The following CKM variants were observed in gnomAD, a reference collection of about 807,000 sequenced individuals.
CKM encodes the protein creatine kinase M-type.
A neutral mutation model predicts 35.4 loss-of-function variants in CKM; 28 were observed. The observed-to-expected ratio is 0.79, with a 90% CI of 0.59 to 1.08. The LOEUF (loss-of-function observed/expected upper bound fraction) is 1.08. CKM is among the 50% of genes least tolerant of loss of function. The pLI, the probability that CKM is intolerant of heterozygous loss-of-function variation, is 0.00. For missense variants in CKM, 484 were observed against 509.8 expected (o/e 0.95, Z 0.49); for synonymous variants, 215 against 204.4 (o/e 1.05, Z -0.44).
chr19:45,321,518 G>A (rs1344533291), intron 1 of CKM, among the ~76,000 whole-genome samples: 2 of 152,086 alleles, frequency 1.3e-5, no homozygotes, highest in African/African-American at 2.4e-5. Context: ...AGCCTGCCCC[G>A]TAGGATTGCC....
chr19:45,320,490 G>C (rs1208302843), intron 1 of CKM, among the ~76,000 whole-genome samples: 1 of 152,228 alleles, frequency 6.6e-6, no homozygotes, highest in Non-Finnish European at 1.5e-5. Flanking sequence ...TCCTCTCTCT[G>C]AGCCCCTGTG....
chr19:45,322,701 G>A, intron 1 of CKM, 120 bp downstream of exon 1: 1 of 556,776 alleles, frequency 1.8e-6, no homozygotes, highest in Non-Finnish European at 2.3e-6. Flanking sequence ...ACCTGCCTTT[G>A]TATAGGAGGA....
At chr19:45,317,361 C>T (rs1351343643) in intron 3 of CKM, among the ~76,000 whole-genome samples, 1 of 152,216 alleles carries the variant, frequency 6.6e-6, no homozygotes, top group Non-Finnish European at 1.5e-5. Flanking sequence ...GATCTCTGCT[C>T]ACCACAACCT....
At chr19:45,313,764 T>G (rs905941991) in intron 4 of CKM, among the ~76,000 whole-genome samples, 3 of 152,186 alleles carry the variant, frequency 2.0e-5, no homozygotes, top group African/African-American at 7.2e-5. Flanking sequence ...CGAGAATTGC[T>G]TGAACCACGA....
chr19:45,319,450 G>A (rs1971190845), intron 2 of CKM, 71 bp downstream of exon 2: 2 of 1,259,516 alleles, frequency 1.6e-6, no homozygotes, highest in Admixed American at 1.8e-5. Context: ...AAGGGTGGTG[G>A]GATTGGGGCA....
intron 3 of CKM, among the ~76,000 whole-genome samples, chr19:45,315,911 A>C (rs1971154141): frequency 6.8e-6 from 1 of 147,858 alleles, no homozygotes; most frequent in Non-Finnish European, 1.5e-5. Context: ...TGGTGCCATC[A>C]TAGCTCACTG....
chr19:45,312,384 T>C (rs1599816644), intron 4 of CKM, among the ~76,000 whole-genome samples: 2 of 149,602 alleles, frequency 1.3e-5, no homozygotes, highest in Non-Finnish European at 3.0e-5. Flanking sequence ...AGCCCAGGAG[T>C]TCGAGTCCAG....
At chr19:45,313,707 C>T (rs924542133) in intron 4 of CKM, among the ~76,000 whole-genome samples, 1 of 152,116 alleles carries the variant, frequency 6.6e-6, no homozygotes, top group Non-Finnish European at 1.5e-5. Context: ...ATTAGCCAGG[C>T]GTGGTGGCGC....
intron 5 of CKM, among the ~76,000 whole-genome samples, chr19:45,309,023 C>T (rs1971082074): frequency 2.7e-5 from 4 of 147,938 alleles, no homozygotes; most frequent in Admixed American, 2.0e-4. Flanking sequence ...GTCAGGAGAT[C>T]GACACCATCC....
chr19:45,310,786 T>A (rs974833958), intron 5 of CKM, among the ~76,000 whole-genome samples: 9 of 139,852 alleles, frequency 6.4e-5, no homozygotes, highest in African/African-American at 2.4e-4. Flanking sequence ...TTTTTTTTTT[T>A]TTTTTGAGAC....
chr19:45,322,114 G>A (rs1487501275), intron 1 of CKM, among the ~76,000 whole-genome samples: 3 of 152,008 alleles, frequency 2.0e-5, no homozygotes, highest in Non-Finnish European at 4.4e-5. Context: ...CGGGGCTCAA[G>A]GACATCCTGG....
intron 3 of CKM, among the ~76,000 whole-genome samples, chr19:45,316,203 G>A (rs1464494547): frequency 2.0e-5 from 3 of 151,734 alleles, no homozygotes; most frequent in East Asian, 2.0e-4. Flanking sequence ...GGTGGTGCGC[G>A]CCTGTAATCC....
intron 1 of CKM, among the ~76,000 whole-genome samples, chr19:45,320,949 A>G (rs1390918266): frequency 1.3e-5 from 2 of 151,288 alleles, no homozygotes; most frequent in African/African-American, 4.9e-5. Context: ...CGCCCAGGCT[A>G]GAGTGCAGTG....
intron 3 of CKM, among the ~76,000 whole-genome samples, chr19:45,317,267 C>T (rs1971167238): frequency 6.6e-6 from 1 of 151,942 alleles, no homozygotes; most frequent in Admixed American, 6.6e-5. Context: ...GCCACCATGC[C>T]CAGCTAATTT....
At chr19:45,315,364 A>G (rs1466773065) in intron 4 of CKM, 101 bp downstream of exon 4, 5 of 1,340,136 alleles carry the variant, frequency 3.7e-6, no homozygotes, top group Non-Finnish European at 5.1e-6. Context: ...CTCTTCCCCT[A>G]CTTTGAAAAG....
chr19:45,322,794 C>CA, intron 1 of CKM, 27 bp downstream of exon 1: 1 of 984,722 alleles, frequency 1.0e-6, no homozygotes, highest in Non-Finnish European at 1.2e-6. Flanking sequence ...CTCTGGCCCC[C>CA]ACCCAGATTC....
intron 5 of CKM, among the ~76,000 whole-genome samples, chr19:45,310,089 T>C (rs1214853400): frequency 6.7e-6 from 1 of 148,270 alleles, no homozygotes; most frequent in Non-Finnish European, 1.5e-5. Flanking sequence ...CAAGATGTAC[T>C]GAACACTTAG....
intron 3 of CKM, among the ~76,000 whole-genome samples, chr19:45,316,526 A>G (rs1971160201): frequency 1.3e-5 from 2 of 151,006 alleles, no homozygotes; most frequent in African/African-American, 4.9e-5. Flanking sequence ...ATGTTGCCCA[A>G]GCTGGTCGTG....
intron 7 of CKM, 109 bp downstream of exon 7, chr19:45,307,352 G>T: frequency 1.0e-6 from 1 of 1,003,108 alleles, no homozygotes; most frequent in Non-Finnish European, 1.5e-6. Flanking sequence ...CAGAGGGTCA[G>T]CCCTTGCCGG....
Sources: gnomAD v4.1 joint callset for allele counts (sites outside exome capture counted in the v4.1 genomes callset) on GRCh38, gnomAD v4.1.1 for gene constraint, MANE v1.5 for transcripts, NCBI Gene and HGNC (gene_info 2026-07-23, HGNC 2026-07-21) for gene names.